The following RABGAP1 variants were observed in gnomAD, a reference collection of about 807,000 sequenced individuals.
The protein encoded by RABGAP1 is RAB GTPase activating protein 1, also known as rab GTPase-activating protein 1.
A neutral mutation model predicts 137.6 loss-of-function variants in RABGAP1; 23 were observed. That is an observed-to-expected ratio of 0.17 (90% CI 0.12 to 0.24). The LOEUF (loss-of-function observed/expected upper bound fraction) is 0.24. Ranked by LOEUF, RABGAP1 falls within the 10% of genes least tolerant of loss-of-function variation. RABGAP1 has a pLI of 1.00. For missense variants in RABGAP1, 906 were observed against 1,275.8 expected, an observed-to-expected ratio of 0.71 and a Z score of 4.42; for synonymous variants, 451 against 450.7, an observed-to-expected ratio of 1.00 and a Z score of -0.01.
intron 13 of RABGAP1, among the ~76,000 whole-genome samples, chr9:123,041,426 T>A (rs1158422286): frequency 1.3e-5 from 2 of 152,224 alleles, no homozygotes; most frequent in African/African-American, 4.8e-5. Context: ...GTTAAGAAGC[T>A]TCTAAGGTTA....
At chr9:122,945,994 C>G (rs1223576902) in intron 1 of RABGAP1, 1 of 152,070 alleles carries the variant, frequency 6.6e-6, no homozygotes, top group African/African-American at 2.4e-5. Context: ...TTTTTTAAGA[C>G]TACTAAAGTG....
At chr9:122,943,590 C>G (rs1339297835) in intron 1 of RABGAP1, among the ~76,000 whole-genome samples, 1 of 152,142 alleles carries the variant, frequency 6.6e-6, no homozygotes, top group Non-Finnish European at 1.5e-5. Context: ...GTATTATGCA[C>G]TTTATCTACA....
intron 19 of RABGAP1, among the ~76,000 whole-genome samples, chr9:123,086,030 T>A (rs1434798034): frequency 6.6e-6 from 1 of 152,184 alleles, no homozygotes; most frequent in East Asian, 1.9e-4. Context: ...TGTCTCCTGG[T>A]GGGAAGACAG....
chr9:123,075,627 C>T (rs906801437), intron 17 of RABGAP1, among the ~76,000 whole-genome samples: 4 of 152,148 alleles, frequency 2.6e-5, no homozygotes, highest in Admixed American at 6.5e-5. Context: ...GTAGTATAAA[C>T]AACCATCTGT....
chr9:122,981,365 A>T (rs1410526196), intron 2 of RABGAP1, among the ~76,000 whole-genome samples: 1 of 152,208 alleles, frequency 6.6e-6, no homozygotes, highest in Non-Finnish European at 1.5e-5. Flanking sequence ...GAAAAAAGAT[A>T]AATATGTATT....
chr9:122,985,699 A>G (rs921235685), intron 3 of RABGAP1, among the ~76,000 whole-genome samples: 10 of 152,160 alleles, frequency 6.6e-5, no homozygotes, highest in African/African-American at 2.4e-4. Context: ...CTAAATGTAA[A>G]TTACAAAGTC....
chr9:123,086,454 C>A (rs1254654603), intron 19 of RABGAP1, among the ~76,000 whole-genome samples: 1 of 152,146 alleles, frequency 6.6e-6, no homozygotes, highest in South Asian at 2.1e-4. Flanking sequence ...AGGTGCTGGC[C>A]TCTCCCAGAT....
intron 13 of RABGAP1, among the ~76,000 whole-genome samples, chr9:123,046,437 G>A (rs567562858): frequency 1.3e-5 from 2 of 152,306 alleles, no homozygotes; most frequent in African/African-American, 4.8e-5. Context: ...AGGAGACTGT[G>A]TAATGTGTAG....
At chr9:122,952,956 A>G (rs1194615649) in intron 1 of RABGAP1, among the ~76,000 whole-genome samples, 1 of 152,254 alleles carries the variant, frequency 6.6e-6, no homozygotes, top group African/African-American at 2.4e-5. Context: ...ATGAGATACA[A>G]ATGTGTACAT....
chr9:123,057,694 A>T (rs983937517), intron 13 of RABGAP1, among the ~76,000 whole-genome samples: 1 of 152,194 alleles, frequency 6.6e-6, no homozygotes, highest in African/African-American at 2.4e-5. Flanking sequence ...TGGGGGGCCA[A>T]GGCAGGCAGC....
chr9:122,987,137 A>G (rs1324013363), intron 4 of RABGAP1, among the ~76,000 whole-genome samples: 1 of 152,158 alleles, frequency 6.6e-6, no homozygotes, highest in Admixed American at 6.6e-5. Context: ...ACCCTGTCTC[A>G]ACAAAGCAAA....
chr9:123,033,502 G>A (rs1460837277), intron 13 of RABGAP1: 1 of 152,202 alleles, frequency 6.6e-6, no homozygotes, highest in Non-Finnish European at 1.5e-5. Context: ...CTCTGACGAT[G>A]AATTCCAATT....
At chr9:122,999,349 A>T (rs1217762702) in intron 10 of RABGAP1, among the ~76,000 whole-genome samples, 1 of 145,236 alleles carries the variant, frequency 6.9e-6, no homozygotes, top group Non-Finnish European at 1.5e-5. Context: ...TGCCCGGCTA[A>T]TTTTTTTTTT....
chr9:123,068,762 TAATG>T (rs1174321243), intron 14 of RABGAP1, among the ~76,000 whole-genome samples: 1 of 152,208 alleles, frequency 6.6e-6, no homozygotes, highest in Non-Finnish European at 1.5e-5. Flanking sequence ...TGCGTGATCA[TAATG>T]TATGTATTTT....
intron 2 of RABGAP1, among the ~76,000 whole-genome samples, chr9:122,967,969 C>T (rs1835259018): frequency 6.6e-6 from 1 of 152,068 alleles, no homozygotes; most frequent in Non-Finnish European, 1.5e-5. Context: ...CTCAGGTGAT[C>T]TACCCGCCTC....
intron 15 of RABGAP1, 140 bp from the exon 16 acceptor site, chr9:123,073,412 G>C: frequency 1.0e-6 from 1 of 1,003,094 alleles, no homozygotes; most frequent in Non-Finnish European, 1.5e-6. Flanking sequence ...ACAACCTTAG[G>C]CCTGAGTTTC....
intron 13 of RABGAP1, among the ~76,000 whole-genome samples, chr9:123,052,516 C>G (rs1037641320): frequency 6.6e-6 from 1 of 152,216 alleles, no homozygotes; most frequent in Non-Finnish European, 1.5e-5. Flanking sequence ...GTGTCAGATA[C>G]TCTTCTCTGG....
chr9:123,099,692 G>T, intron 24 of RABGAP1, 143 bp downstream of exon 24: 1 of 661,320 alleles, frequency 1.5e-6, no homozygotes, highest in Non-Finnish European at 2.6e-6. Context: ...TGGCTCAGTA[G>T]TTGACAACTA....
At chr9:123,090,925 T>G (rs542065897) in intron 21 of RABGAP1, among the ~76,000 whole-genome samples, 359 of 152,342 alleles carry the variant, frequency 2.4e-3, no homozygotes, top group African/African-American at 7.6e-3. Flanking sequence ...TTTTCTGTAC[T>G]ACAGACTAAC....
Sources: allele counts gnomAD v4.1 joint callset (sites outside exome capture counted in the v4.1 genomes callset), GRCh38; gene constraint gnomAD v4.1.1; transcripts MANE v1.5; gene names NCBI Gene and HGNC (gene_info 2026-07-23, HGNC 2026-07-21).